Variants in GRM5 observed in about 807,000 individuals in gnomAD.
The protein encoded by GRM5 is metabotropic glutamate receptor 5.
GRM5 carries 19 observed loss-of-function variants against 83.1 expected under a neutral mutation model. The observed-to-expected ratio is 0.23, with a 90% CI of 0.16 to 0.34. GRM5 has a LOEUF of 0.34. Among genes scored for constraint, GRM5 ranks in the 10% least tolerant of loss-of-function variants. The probability of loss-of-function intolerance (pLI) is 1.00; values close to 1 mark genes in which losing one functional copy is unlikely to be tolerated. For missense variants in GRM5, 1,160 were observed against 1,588.3 expected (o/e 0.73, Z 4.58); for synonymous variants, 675 against 633.6 (o/e 1.07, Z -0.98).
chr11:88,616,117 A>C (rs981147285), intron 4 of GRM5, among the ~76,000 whole-genome samples: 1 of 152,220 alleles, frequency 6.6e-6, no homozygotes, highest in Non-Finnish European at 1.5e-5. Flanking sequence ...CTGAGATGAT[A>C]CTTAAACAAG....
At chr11:88,916,536 C>T (rs1043381346) in intron 2 of GRM5, among the ~76,000 whole-genome samples, 1 of 152,106 alleles carries the variant, frequency 6.6e-6, no homozygotes, top group Non-Finnish European at 1.5e-5. Flanking sequence ...AGCACCACCA[C>T]CATGAGTTAA....
intron 4 of GRM5, among the ~76,000 whole-genome samples, chr11:88,606,530 AAAAC>A (rs1346244915): frequency 1.3e-5 from 2 of 152,230 alleles, no homozygotes; most frequent in Non-Finnish European, 2.9e-5. Context: ...CAAAACAAAC[AAAAC>A]AAACAACCAA....
In GRM5 at chr11:88,653,274, T is replaced by C; in HGVS notation, c.1041A>G (p.Glu347=). The C allele has an allele frequency of 6.2e-7, 1 of 1,613,332 alleles. No homozygotes were observed. Among genetic ancestry groups the C allele is most frequent in the Non-Finnish European group, 8.5e-7 (1 of 1,179,494 alleles). ...FDDYYLKLRP[E]TNHRNPWFQE... ...GAAACCAAGGGTTTCGGTGGTTTGT[T>C]TCTGGCCGGAGCTTCAGATAATAAT... The change falls in exon 4 of 10, where the codon GAA becomes GAG. Residue 347 remains glutamate (E), a synonymous_variant. Coordinates refer to ENST00000305447, the MANE Select transcript of GRM5 (RefSeq NM_001143831.3).
Position 88,645,108 on chromosome 11 carries a change from T to C in GRM5, c.1147+8060A>G, listed in dbSNP as rs1264174836. ...ATTGCTACAACCCAGAGAAATCTCA[T>C]TGCCAATGTACTTTTACATTGCTCT... On this transcript the variant is annotated intron_variant, in intron 4 of 9. Coordinates refer to ENST00000305447, the MANE Select transcript of GRM5 (RefSeq NM_001143831.3). Among the ~76,000 whole-genome samples the C allele has an allele frequency of 2.6e-5, 4 of 152,268 alleles. No individual in the cohort carries two copies. In the East Asian group the frequency reaches 7.7e-4, roughly 29 times the overall value.
Position 88,783,378 on chromosome 11 carries a change from A to G in GRM5, c.911+66528T>C, listed in dbSNP as rs571890877. Among the ~76,000 whole-genome samples the G allele has an allele frequency of 1.1e-4, 17 of 152,218 alleles. No homozygotes were observed. In the East Asian group the frequency reaches 2.9e-3, roughly 26 times the overall value. On this transcript the variant is annotated intron_variant, in intron 3 of 9. Coordinates refer to ENST00000305447, the MANE Select transcript of GRM5 (RefSeq NM_001143831.3). ...TTGAACTTCTGTGAAATAATATTTT[A>G]TCACTCTAGATGTTATTTATCACAT...
chr11:88,800,791 G>A (rs181009084), intron 3 of GRM5, among the ~76,000 whole-genome samples: 144 of 152,198 alleles, frequency 9.5e-4, no homozygotes, highest in Admixed American at 1.8e-3. Context: ...CATAAGTTGG[G>A]AGAAATCATA....
chr11:88,605,566 A>G (rs540367885), intron 4 of GRM5, among the ~76,000 whole-genome samples: 1 of 152,340 alleles, frequency 6.6e-6, no homozygotes, highest in South Asian at 2.1e-4. Flanking sequence ...CAGAATATAC[A>G]CAAAGCTGTG....
intron 4 of GRM5, among the ~76,000 whole-genome samples, chr11:88,614,677 C>T (rs1938420936): frequency 6.6e-6 from 1 of 152,230 alleles, no homozygotes; most frequent in African/African-American, 2.4e-5. Flanking sequence ...ATTTGCTTGG[C>T]ACTTTTCAAC....
chr11:88,679,437 T>C (rs1940419825), intron 3 of GRM5, among the ~76,000 whole-genome samples: 1 of 152,190 alleles, frequency 6.6e-6, no homozygotes, highest in Admixed American at 6.6e-5. Context: ...GAATTTCAAA[T>C]ATTTTACATT....
chr11:88,625,232 G>C (rs930051823), intron 4 of GRM5, among the ~76,000 whole-genome samples: 4 of 152,112 alleles, frequency 2.6e-5, no homozygotes, highest in Non-Finnish European at 5.9e-5. Flanking sequence ...CTCACTCAGA[G>C]AACAGGGAAC....
intron 2 of GRM5, among the ~76,000 whole-genome samples, chr11:88,998,272 C>A (rs184880594): frequency 1.3e-5 from 2 of 152,084 alleles, no homozygotes; most frequent in Non-Finnish European, 2.9e-5. Context: ...TCCAGGGATG[C>A]GAGGTTGGAG....
intron 3 of GRM5, among the ~76,000 whole-genome samples, chr11:88,670,664 C>T (rs72956745): frequency 0.048 from 7,322 of 152,100 alleles, 168 homozygotes; most frequent in Middle Eastern, 0.075. Flanking sequence ...CTTCACACCT[C>T]ACAAAATATG....
chr11:88,979,997 T>C (rs1939475084), intron 2 of GRM5, among the ~76,000 whole-genome samples: 1 of 152,158 alleles, frequency 6.6e-6, no homozygotes, highest in Non-Finnish European at 1.5e-5. Context: ...ATTTACCCAA[T>C]AAAGGACTAT....
At chr11:88,722,251 T>G (rs1402239843) in intron 3 of GRM5, among the ~76,000 whole-genome samples, 3 of 152,132 alleles carry the variant, frequency 2.0e-5, no homozygotes, top group African/African-American at 7.2e-5. Flanking sequence ...AAACCACTCC[T>G]CTAAAACTGT....
chr11:88,941,700 A>G (rs1938120465), intron 2 of GRM5, among the ~76,000 whole-genome samples: 1 of 152,086 alleles, frequency 6.6e-6, no homozygotes, highest in Non-Finnish European at 1.5e-5. Context: ...GGAACATAAT[A>G]TAAATTTTAA....
intron 9 of GRM5, among the ~76,000 whole-genome samples, chr11:88,524,573 C>G (rs1193424965): frequency 6.6e-6 from 1 of 152,224 alleles, no homozygotes; most frequent in Non-Finnish European, 1.5e-5. Context: ...TTATTTCATG[C>G]AACACAGCTT....
At chr11:88,555,226 C>A (rs1239615367) in intron 8 of GRM5, among the ~76,000 whole-genome samples, 1 of 152,138 alleles carries the variant, frequency 6.6e-6, no homozygotes, top group Non-Finnish European at 1.5e-5. Context: ...CAAAGTGAAT[C>A]TATGTTGTGA....
intron 3 of GRM5, among the ~76,000 whole-genome samples, chr11:88,683,930 C>T (rs983886624): frequency 3.3e-5 from 5 of 152,102 alleles, no homozygotes; most frequent in Admixed American, 6.5e-5. Flanking sequence ...CAGTAAAATG[C>T]GATGGAGTAG....
At chr11:88,866,379 A>T (rs1402084071) in intron 2 of GRM5, among the ~76,000 whole-genome samples, 3 of 152,032 alleles carry the variant, frequency 2.0e-5, no homozygotes, top group Admixed American at 1.3e-4. Context: ...CAGGGAGGGG[A>T]TCACCACACA....
Sources: gnomAD v4.1 joint callset for allele counts (sites outside exome capture counted in the v4.1 genomes callset) on GRCh38, gnomAD v4.1.1 for gene constraint, MANE v1.5 for transcripts, NCBI Gene and HGNC (gene_info 2026-07-23, HGNC 2026-07-21) for gene names.